Variants in ZNF268 observed in about 807,000 individuals in gnomAD.
ZNF268 encodes the protein zinc finger protein 268.
Under a neutral mutation model 29.3 loss-of-function variants are expected in ZNF268, and 20 were observed. That is an observed-to-expected ratio of 0.68 (90% CI 0.48 to 0.99). The LOEUF is 0.99. Ranked by LOEUF, ZNF268 falls within the 50% of genes least tolerant of loss-of-function variation. The pLI is 0.00. For missense variants in ZNF268, 1,240 were observed against 1,121.6 expected (o/e 1.11, Z -1.51); for synonymous variants, 429 against 376.9 (o/e 1.14, Z -1.60).
chr12:133,191,085 G>T (rs913354534), intron 3 of ZNF268, among the ~76,000 whole-genome samples: 1 of 152,100 alleles, frequency 6.6e-6, no homozygotes, highest in Non-Finnish European at 1.5e-5. Flanking sequence ...GGGAGGCCGA[G>T]ATGGGCAGAT....
rs1036784510 is a variant in ZNF268, at chr12:133,200,515, G to A, written c.458-1629G>A. Among the ~76,000 whole-genome samples, 4 of 152,258 alleles carry A rather than the reference G, an allele frequency of 2.6e-5. No homozygotes were observed. The East Asian group carries it at 7.7e-4, about 29-fold the overall frequency. ...AGAATGTATATTTTGTTGATTTGGG[G>A]TGGAGAGTTCTGTAGATGTCTATTA... On this transcript the variant is annotated intron_variant, in intron 5 of 5. Coordinates refer to ENST00000536435, the MANE Select transcript of ZNF268 (RefSeq NM_003415.3).
chr12:133,202,106 G>C, intron 5 of ZNF268, 38 bp from the exon 6 acceptor site: 2 of 1,487,214 alleles, frequency 1.3e-6, no homozygotes, highest in Non-Finnish European at 1.8e-6. Context: ...CCGCAATCAT[G>C]TGATTTATAA....
chr12:133,199,888 T>C (rs1430829794), intron 5 of ZNF268, among the ~76,000 whole-genome samples: 7 of 152,202 alleles, frequency 4.6e-5, no homozygotes. Context: ...GAAATCCCCT[T>C]TATCATTTTT....
In ZNF268 at chr12:133,203,396, G is replaced by C; in HGVS notation, c.1710G>C (p.Gln570His). The change falls in exon 6 of 6, where the codon CAG becomes CAC. Residue 570 changes from glutamine to histidine, a missense_variant. Gln to His is a conservative substitution (Grantham distance 24). This residue lies in a region of ZNF268 where 1,177 missense variants were observed against 1,039.6 expected (regional missense o/e 1.13). Transcript: ENST00000536435. ...GGAAAGCCTTCAGTCGGAAATACCA[G>C]CTTATTTCACACCAGAGAACTCATG... is the stretch of plus-strand genomic sequence containing the variant. ...ECGKAFSRKY[Q>H]LISHQRTHAG... 6.5e-7 allele frequency: 1 copy of C among 1,546,386 alleles called. No homozygotes were observed. The highest frequency in any genetic ancestry group is 1.9e-5 in the Admixed American group (1 of 51,322).
chr12:133,187,806 A>C, intron 2 of ZNF268, 66 bp from the exon 3 acceptor site: 6 of 1,438,534 alleles, frequency 4.2e-6, no homozygotes, highest in Middle Eastern at 1.8e-4. Flanking sequence ...ATGTGATGTG[A>C]CCCCTATTTC....
In ZNF268 at chr12:133,214,000, A is replaced by T. The variant is rs1593947273; in HGVS notation, c.*9470A>T. The T allele has an allele frequency of 7.0e-6, 1 of 142,252 alleles. No homozygotes were observed. The allele number at this position is 142,252 out of a possible 1,614,324, so 8.8% of individuals were successfully genotyped here. The stretch of plus-strand genomic sequence containing the variant: ...CGAGACTCCGTCTCAAAAAAAAAAA[A>T]GGTGAATATAGGAGAAAAGACACTG... On this transcript the variant is annotated 3_prime_UTR_variant, in exon 6 of 6. Coordinates refer to ENST00000536435, the MANE Select transcript of ZNF268 (RefSeq NM_003415.3).
At chr12:133,194,224 C>T (rs1258804302) in intron 5 of ZNF268, among the ~76,000 whole-genome samples, 4 of 152,208 alleles carry the variant, frequency 2.6e-5, no homozygotes, top group Non-Finnish European at 5.9e-5. Flanking sequence ...AGCATGACAG[C>T]ATAAATCAAC....
Position 133,212,493 on chromosome 12 carries a change from ATATATG to A in ZNF268, c.*7969_*7974del, listed in dbSNP as rs1424821685. The A allele has an allele frequency of 4.7e-3, 100 of 21,064 alleles. No homozygotes were observed. Among genetic ancestry groups the A allele is most frequent in the African/African-American group, 0.024 (61 of 2,578 alleles). The allele number at this position is 21,064 out of a possible 1,614,324, so 1.3% of individuals were successfully genotyped here. ...TATATATATATATATATATATATAT[ATATATG>A]TATATATACACACACACATACACAC... is the stretch of plus-strand genomic sequence containing the variant. On this transcript the variant is annotated 3_prime_UTR_variant, in exon 6 of 6. Transcript: ENST00000536435.
At position 133,204,698 on chromosome 12, in the gene ZNF268, T is replaced by C; in HGVS notation, c.*168T>C. 1 of 534,776 alleles carries C rather than the reference T, an allele frequency of 1.9e-6. No homozygotes were observed. Among genetic ancestry groups the C allele is most frequent in the Non-Finnish European group, 3.2e-6 (1 of 316,294 alleles). The allele number at this position is 534,776 out of a possible 1,614,324, so 33.1% of individuals were successfully genotyped here. ...AAGGCATCCACAGAAAGCTGTTCTT[T>C]ACATGCAAAAAGATAGTAGACAATA... On this transcript the variant is annotated 3_prime_UTR_variant, in exon 6 of 6. Transcript: ENST00000536435.
rs1956888750 is a variant in ZNF268, at chr12:133,205,800, G to C, written c.*1270G>C. 6.6e-6 allele frequency: 1 copy of C among 152,142 alleles called. No individual in the cohort carries two copies. The highest frequency in any genetic ancestry group is 1.5e-5 in the Non-Finnish European group (1 of 68,032). 9.4% of individuals were successfully genotyped at this position (152,142 alleles called of 1,614,324 possible). A position where few individuals can be genotyped will look rare whatever the true frequency, so the allele number is the denominator to read the frequency against. On this transcript the variant is annotated 3_prime_UTR_variant, in exon 6 of 6. Transcript: ENST00000536435. The stretch of plus-strand genomic sequence containing the variant: ...CCTCTTAACGAAACATTCCCTAACG[G>C]TGTATGTAGTCATGAGGGAACCACC...
Position 133,204,750 on chromosome 12 carries a change from C to T in ZNF268, c.*220C>T, listed in dbSNP as rs2135527078. 8 of 411,604 alleles carry T rather than the reference C, an allele frequency of 1.9e-5. No homozygotes were observed. The highest frequency in any genetic ancestry group is 3.4e-5 in the Non-Finnish European group (8 of 233,802). 25.5% of individuals were successfully genotyped at this position (411,604 alleles called of 1,614,324 possible). A position where few individuals can be genotyped will look rare whatever the true frequency, so the allele number is the denominator to read the frequency against. On this transcript the variant is annotated 3_prime_UTR_variant, in exon 6 of 6. Transcript: ENST00000536435. ...ACAGGAAAACTGAATTTAGTAACCACTCTGAAAATTTTTAGCAGCAAGTCA... is the reference window on the plus strand; with the variant it reads ...ACAGGAAAACTGAATTTAGTAACCATTCTGAAAATTTTTAGCAGCAAGTCA...
chr12:133,185,818 G>T (rs949324169), intron 2 of ZNF268, among the ~76,000 whole-genome samples: 1 of 152,092 alleles, frequency 6.6e-6, no homozygotes, highest in Admixed American at 6.6e-5. Context: ...GGTAGAAATG[G>T]AGACACTGGT....
At chr12:133,194,723 C>T (rs972744849) in intron 5 of ZNF268, among the ~76,000 whole-genome samples, 3 of 152,174 alleles carry the variant, frequency 2.0e-5, no homozygotes, top group African/African-American at 7.2e-5. Flanking sequence ...TCTTCACTTC[C>T]CTGACTGAAG....
At position 133,204,369 on chromosome 12, in the gene ZNF268, A is replaced by G. The variant is rs1470584248; in HGVS notation, c.2683A>G (p.Asn895Asp). 2 of 1,571,538 alleles carry G rather than the reference A, an allele frequency of 1.3e-6. No homozygotes were observed. Among genetic ancestry groups the G allele is most frequent in the African/African-American group, 2.7e-5 (2 of 73,908 alleles). Residue 895 changes from asparagine to aspartate, a missense_variant, in exon 6 of 6, where the codon AAT becomes GAT. Coordinates refer to ENST00000536435, the MANE Select transcript of ZNF268 (RefSeq NM_003415.3). ...TTCAGGAGAGAAACCCTATGGGTGC[A>G]ATGAATGTGGGAAAACCTTCTCTCA... is the stretch of plus-strand genomic sequence containing the variant. The part of the protein sequence containing the change: ...THSGEKPYGC[N>D]ECGKTFSQKS...
intron 5 of ZNF268, chr12:133,193,430 T>G (rs1223843931): frequency 1.5e-6 from 1 of 675,134 alleles, no homozygotes; most frequent in Non-Finnish European, 2.7e-6. Context: ...TCTCACAGTT[T>G]TGAAGGCTGG....
At chr12:133,190,732 A>G (rs1956447373) in intron 3 of ZNF268, among the ~76,000 whole-genome samples, 1 of 152,104 alleles carries the variant, frequency 6.6e-6, no homozygotes, top group African/African-American at 2.4e-5. Context: ...GTCAAATAGC[A>G]TTGCTTCCTT....
At chr12:133,189,024 G>A (rs991320637) in intron 3 of ZNF268, among the ~76,000 whole-genome samples, 5 of 151,404 alleles carry the variant, frequency 3.3e-5, no homozygotes, top group East Asian at 1.9e-4. Context: ...TTCACTTTTC[G>A]ATTTACAGTG....
In ZNF268 at chr12:133,202,449, G is replaced by A; in HGVS notation, c.763G>A (p.Gly255Arg). 1 of 1,611,374 alleles carries A rather than the reference G, an allele frequency of 6.2e-7. No individual in the cohort carries two copies. The highest frequency in any genetic ancestry group is 1.3e-5 in the African/African-American group (1 of 75,000). The change falls in exon 6 of 6, where the codon GGA (glycine) becomes AGA (arginine). Residue 255 changes from glycine to arginine, a missense_variant. Gly to Arg is a moderately radical substitution (Grantham distance 125). This residue lies in a region of ZNF268 where 1,177 missense variants were observed against 1,039.6 expected (regional missense o/e 1.13). Transcript: ENST00000536435. Reference protein sequence around the residue: ...GIKYCESIESGKTVNKKSQLM... With the variant: ...GIKYCESIESRKTVNKKSQLM... The stretch of plus-strand genomic sequence containing the variant: ...AAAATACTGTGAAAGTATTGAATCT[G>A]GAAAAACCGTCAATAAGAAATCGCA...
At chr12:133,201,777 A>G (rs756989775) in intron 5 of ZNF268, among the ~76,000 whole-genome samples, 17 of 152,078 alleles carry the variant, frequency 1.1e-4, no homozygotes, top group South Asian at 2.1e-4. Context: ...AATAAATCTA[A>G]TGTTCATAGA....
Sources: gnomAD v4.1 joint callset for allele counts (sites outside exome capture counted in the v4.1 genomes callset) on GRCh38, gnomAD v4.1.1 for gene constraint, gnomAD v4.1.1 regional missense constraint, MANE v1.5 for transcripts, NCBI Gene and HGNC (gene_info 2026-07-23, HGNC 2026-07-21) for gene names.